The following SNX29 variants were observed in gnomAD, a reference collection of about 807,000 sequenced individuals.
The protein encoded by SNX29 is sorting nexin-29.
SNX29 carries 78 observed loss-of-function variants against 102.1 expected under a neutral mutation model. The observed-to-expected ratio is 0.76, with a 90% CI of 0.64 to 0.92. SNX29 has a LOEUF of 0.92. SNX29 is among the 40% of genes least tolerant of loss of function. The pLI is 0.00. For missense variants in SNX29, 1,280 were observed against 1,061.7 expected, an observed-to-expected ratio of 1.21 and a Z score of -2.86; for synonymous variants, 580 against 414.5, an observed-to-expected ratio of 1.40 and a Z score of -4.85.
chr16:12,474,182 G>A (rs1481048413), intron 18 of SNX29, among the ~76,000 whole-genome samples: 1 of 152,132 alleles, frequency 6.6e-6, no homozygotes, highest in East Asian at 1.9e-4. Context: ...TGACCTCTCT[G>A]AGCCCATTAC....
At chr16:12,043,441 A>C (rs1596675259) in intron 5 of SNX29, among the ~76,000 whole-genome samples, 1 of 149,998 alleles carries the variant, frequency 6.7e-6, no homozygotes, top group African/African-American at 2.5e-5. Flanking sequence ...TGCAGCCTGG[A>C]CCTCCCTGGC....
At chr16:12,517,318 A>C (rs1212397785) in intron 19 of SNX29, among the ~76,000 whole-genome samples, 1 of 152,202 alleles carries the variant, frequency 6.6e-6, no homozygotes. Context: ...GACATTCCTC[A>C]GGGGGTCAGG....
At chr16:12,313,543 G>T (rs2080633613) in intron 15 of SNX29, among the ~76,000 whole-genome samples, 2 of 152,172 alleles carry the variant, frequency 1.3e-5, no homozygotes, top group South Asian at 4.1e-4. Context: ...TATGAACTGG[G>T]GCAGCCTCCG....
intron 18 of SNX29, among the ~76,000 whole-genome samples, chr16:12,447,682 T>A (rs1641888): frequency 0.27 from 40,550 of 152,122 alleles, 5,815 homozygotes; most frequent in African/African-American, 0.39. Flanking sequence ...ATTCCCTGGC[T>A]GGAATTGAGA....
At chr16:12,388,235 A>G (rs191036458) in intron 16 of SNX29, among the ~76,000 whole-genome samples, 3 of 152,310 alleles carry the variant, frequency 2.0e-5, no homozygotes, top group Admixed American at 1.3e-4. Flanking sequence ...GATTCAGCCA[A>G]AGTTGGCTTT....
intron 16 of SNX29, chr16:12,375,979 G>C (rs1261842228): frequency 7.9e-6 from 1 of 126,726 alleles, no homozygotes; most frequent in Non-Finnish European, 1.6e-5. Context: ...GTTGCAGTGA[G>C]CCAAGATCGA....
intron 19 of SNX29, among the ~76,000 whole-genome samples, chr16:12,503,380 G>A (rs1331046908): frequency 1.3e-5 from 2 of 152,188 alleles, no homozygotes; most frequent in African/African-American, 2.4e-5. Context: ...GGCTGCTGCC[G>A]AGTGGTGGGA....
chr16:12,497,117 A>G (rs754262094), intron 19 of SNX29, among the ~76,000 whole-genome samples: 9 of 152,224 alleles, frequency 5.9e-5, no homozygotes, highest in East Asian at 1.9e-4. Flanking sequence ...TCCAGGACCA[A>G]TGACTTCAGA....
chr16:12,012,059 G>C (rs1280754256), intron 3 of SNX29, among the ~76,000 whole-genome samples: 1 of 152,138 alleles, frequency 6.6e-6, no homozygotes, highest in Non-Finnish European at 1.5e-5. Flanking sequence ...TTTATTTATA[G>C]AGTACTATGT....
At position 12,569,228 on chromosome 16, in the gene SNX29, G is replaced by A. The variant is rs568265464; in HGVS notation, c.*599G>A. 3 of 222,052 alleles carry A rather than the reference G, an allele frequency of 1.4e-5. No individual in the cohort carries two copies. Among genetic ancestry groups the A allele is most frequent in the Non-Finnish European group, 2.7e-5 (3 of 111,922 alleles). The allele number at this position is 222,052 out of a possible 1,614,324, so 13.8% of individuals were successfully genotyped here. A position where few individuals can be genotyped will look rare whatever the true frequency, so the allele number is the denominator to read the frequency against. On this transcript the variant is annotated 3_prime_UTR_variant, in exon 21 of 21. Coordinates refer to ENST00000566228, the MANE Select transcript of SNX29 (RefSeq NM_032167.5). ...CTCACTTTTCCAGAGGGATATTCCTGTGGCTTTGGCAAGGAGCCATTAGTG... is the reference window on the plus strand; with the variant it reads ...CTCACTTTTCCAGAGGGATATTCCTATGGCTTTGGCAAGGAGCCATTAGTG...
At chr16:12,346,117 T>C (rs964786719) in intron 15 of SNX29, among the ~76,000 whole-genome samples, 1 of 150,896 alleles carries the variant, frequency 6.6e-6, no homozygotes, top group African/African-American at 2.5e-5. Flanking sequence ...TCCTGGGTTT[T>C]AGAAAGATCA....
chr16:12,463,402 T>C (rs1480534158), intron 18 of SNX29, among the ~76,000 whole-genome samples: 1 of 152,186 alleles, frequency 6.6e-6, no homozygotes, highest in Non-Finnish European at 1.5e-5. Flanking sequence ...TAAGGAGGCC[T>C]CACAATCATG....
At chr16:12,509,785 C>T (rs141388381) in intron 19 of SNX29, among the ~76,000 whole-genome samples, 10 of 152,246 alleles carry the variant, frequency 6.6e-5, no homozygotes, top group Non-Finnish European at 1.0e-4. Context: ...TGAATAGATC[C>T]ACCCCTCCAT....
chr16:12,446,662 G>A (rs2086068714), intron 18 of SNX29, among the ~76,000 whole-genome samples: 1 of 152,168 alleles, frequency 6.6e-6, no homozygotes, highest in Admixed American at 6.5e-5. Flanking sequence ...TGGCAGTGGA[G>A]CTCCTGTTGA....
chr16:12,500,452 C>T (rs983239220), intron 19 of SNX29, among the ~76,000 whole-genome samples: 4 of 152,140 alleles, frequency 2.6e-5, no homozygotes, highest in Non-Finnish European at 5.9e-5. Context: ...GACAGGAGTC[C>T]GCCTCTCTGT....
At chr16:12,347,422 GA>G (rs962525810) in intron 15 of SNX29, among the ~76,000 whole-genome samples, 8 of 152,114 alleles carry the variant, frequency 5.3e-5, no homozygotes, top group African/African-American at 1.9e-4. Flanking sequence ...AAGGAAGAAA[GA>G]AACAGGAGAG....
intron 14 of SNX29, among the ~76,000 whole-genome samples, chr16:12,269,565 G>C (rs989548776): frequency 1.3e-5 from 2 of 152,152 alleles, no homozygotes; most frequent in Non-Finnish European, 2.9e-5. Context: ...GTAGATAAAA[G>C]CTTCTGTCTT....
intron 3 of SNX29, among the ~76,000 whole-genome samples, chr16:12,019,867 C>T (rs1360048884): frequency 1.3e-5 from 2 of 151,920 alleles, no homozygotes; most frequent in African/African-American, 2.4e-5. Flanking sequence ...AAACTCCTGA[C>T]CTCAGGTGAT....
In SNX29 at chr16:12,571,989, G is replaced by C. The variant is rs753965428; in HGVS notation, c.*3360G>C. ...ATGGTGGTAGCCATCTTCACATCCA[G>C]TCACCAGTTGCATCTAGGGAGCTGC... On this transcript the variant is annotated 3_prime_UTR_variant, in exon 21 of 21. Transcript: ENST00000566228. 1.0e-4 allele frequency: 111 copies of C among 1,062,382 alleles called. No individual in the cohort carries two copies. The Admixed American group carries it at 2.1e-3, about 21-fold the overall frequency. 65.8% of individuals were successfully genotyped at this position (1,062,382 alleles called of 1,614,324 possible).
Sources: allele counts gnomAD v4.1 joint callset (sites outside exome capture counted in the v4.1 genomes callset), GRCh38; gene constraint gnomAD v4.1.1; transcripts MANE v1.5; gene names NCBI Gene and HGNC (gene_info 2026-07-23, HGNC 2026-07-21).